The following CS variants were observed in gnomAD, a reference collection of about 807,000 sequenced individuals.
The protein encoded by CS is citrate synthase.
In CS, 13 loss-of-function variants were observed where a neutral mutation model predicts 61.4. The ratio of observed to expected loss-of-function variants is 0.21; its 90% CI spans 0.14 to 0.34. CS has a LOEUF of 0.34. Among genes scored for constraint, CS ranks in the 10% least tolerant of loss-of-function variants. The pLI, the probability that CS is intolerant of heterozygous loss-of-function variation, is 1.00. For missense variants in CS, 278 were observed against 573.4 expected (o/e 0.48, Z 5.26); for synonymous variants, 159 against 215.2 (o/e 0.74, Z 2.29).
intron 1 of CS, among the ~76,000 whole-genome samples, chr12:56,294,347 A>G (rs1189586006): frequency 6.6e-6 from 1 of 151,314 alleles, no homozygotes; most frequent in African/African-American, 2.4e-5. Context: ...GGTGGCGCAC[A>G]CCTGTAATCT....
At chr12:56,274,112 T>C in intron 9 of CS, 1 of 343,700 alleles carries the variant, frequency 2.9e-6, no homozygotes, top group Non-Finnish European at 5.5e-6. Flanking sequence ...TTGGGAGTCC[T>C]AGACTAGCCT....
At position 56,287,479 on chromosome 12, in the gene CS, CAAAAAAAAAAAAAA is replaced by C. The variant is rs61199207; in HGVS notation, c.43-848_43-835del. Among the ~76,000 whole-genome samples, 62 of 44,730 alleles carry C rather than the reference CAAAAAAAAAAAAAA, an allele frequency of 1.4e-3. 2 individuals are homozygous for C. The East Asian group carries it at 0.032, about 23-fold the overall frequency. The allele number at this position is 44,730 out of a possible 152,430, so 29.3% of individuals were successfully genotyped here. A position where few individuals can be genotyped will look rare whatever the true frequency, so the allele number is the denominator to read the frequency against. On this transcript the variant is annotated intron_variant, in intron 1 of 10. Transcript: ENST00000351328. ...CCTGGGCAAATGAGCAAGACTCTGT[CAAAAAAAAAAAAAA>C]AAAAAAAAAAAAAAAAAGAGAGAGA...
intron 1 of CS, chr12:56,299,869 C>T (rs1025205389): frequency 4.1e-5 from 15 of 367,240 alleles, no homozygotes; most frequent in Non-Finnish European, 5.5e-5. Context: ...CAGGGCCACG[C>T]ATCCCTTCCC....
chr12:56,274,934 G>A, intron 8 of CS, 56 bp from the exon 9 acceptor site: 1 of 1,608,228 alleles, frequency 6.2e-7, no homozygotes, highest in South Asian at 1.1e-5. Context: ...AGAAGAGAAT[G>A]CCAAGATCAG....
Position 56,288,448 on chromosome 12 carries a change from G to A in CS, c.43-1803C>T, listed in dbSNP as rs181877282. The stretch of plus-strand genomic sequence containing the variant: ...GCTCCCGTGTTCAAGTGATTCTCAT[G>A]CCTCAGCCTCCTGAGTAGCTGGGAT... On this transcript the variant is annotated intron_variant, in intron 1 of 10. Coordinates refer to ENST00000351328, the MANE Select transcript of CS (RefSeq NM_004077.3). 3.4e-5 allele frequency among the ~76,000 whole-genome samples: 5 copies of A among 146,682 alleles called. No individual in the cohort carries two copies. The East Asian group carries it at 8.1e-4, about 24-fold the overall frequency.
chr12:56,282,811 G>A (rs772093150), intron 5 of CS, 49 bp downstream of exon 5: 282 of 1,608,980 alleles, frequency 1.8e-4, no homozygotes, highest in Non-Finnish European at 2.3e-4. Flanking sequence ...TTAGAGAAAG[G>A]CAATGAAGAA....
intron 1 of CS, among the ~76,000 whole-genome samples, chr12:56,295,059 C>T (rs1320760911): frequency 1.3e-5 from 2 of 151,890 alleles, no homozygotes; most frequent in Non-Finnish European, 2.9e-5. Context: ...AGCCACTGTG[C>T]CTGGCCAACA....
Position 56,274,810 on chromosome 12 carries a change from T to G in CS, c.987A>C (p.Arg329=). Residue 329 remains arginine, a synonymous_variant, in exon 9 of 11, where the codon CGA becomes CGC. Transcript: ENST00000351328. The part of the protein sequence containing the change: ...VGKDVSDEKL[R]DYIWNTLNSG... ...AGTTGAGTGTGTTCCAGATGTAGTCTCGTAACTTCTCATCTGACACATCTT... is the reference window on the plus strand; with the variant it reads ...AGTTGAGTGTGTTCCAGATGTAGTCGCGTAACTTCTCATCTGACACATCTT... 2 of 1,610,266 alleles carry G rather than the reference T, an allele frequency of 1.2e-6. No homozygotes were observed. Among genetic ancestry groups the G allele is most frequent in the Non-Finnish European group, 1.7e-6 (2 of 1,178,368 alleles).
At position 56,300,151 on chromosome 12, in the gene CS, G is replaced by A; in HGVS notation, c.42+9C>T. 1.9e-6 allele frequency: 3 copies of A among 1,561,646 alleles called. No homozygotes were observed. The highest frequency in any genetic ancestry group is 1.2e-5 in the South Asian group (1 of 85,028). Reference sequence around the variant, plus strand: ...CTGGGACGGCGTGCTCCCTCCCCTCGCTGCTCACCTTGGTTCCCAAGAGCC... The same window carrying A: ...CTGGGACGGCGTGCTCCCTCCCCTCACTGCTCACCTTGGTTCCCAAGAGCC... On this transcript the variant is annotated intron_variant, in intron 1 of 10. Coordinates refer to ENST00000351328, the MANE Select transcript of CS (RefSeq NM_004077.3).
intron 1 of CS, among the ~76,000 whole-genome samples, chr12:56,295,718 G>A (rs1202808598): frequency 6.6e-6 from 1 of 151,538 alleles, no homozygotes; most frequent in Non-Finnish European, 1.5e-5. Flanking sequence ...ACTGTGGGAG[G>A]TGGAGGCGGG....
At chr12:56,273,276 TATTTC>T in intron 10 of CS, 22 bp from the exon 11 acceptor site, 1 of 1,610,442 alleles carries the variant, frequency 6.2e-7, no homozygotes, top group Non-Finnish European at 8.5e-7. Context: ...AAGAGAAAAA[TATTTC>T]ATTTAAGGCA....
intron 1 of CS, among the ~76,000 whole-genome samples, chr12:56,287,251 C>T (rs1030822138): frequency 2.6e-4 from 40 of 152,052 alleles, no homozygotes; most frequent in African/African-American, 8.4e-4. Flanking sequence ...GAAGCTGAGG[C>T]GGTGGATCAC....
intron 1 of CS, among the ~76,000 whole-genome samples, chr12:56,295,872 T>A (rs1873285149): frequency 7.5e-6 from 1 of 133,948 alleles, no homozygotes; most frequent in African/African-American, 2.8e-5. Flanking sequence ...GAGAATGGCG[T>A]GAACCCCAGA....
intron 1 of CS, among the ~76,000 whole-genome samples, chr12:56,289,934 G>A (rs1321564716): frequency 6.6e-6 from 1 of 151,766 alleles, no homozygotes; most frequent in African/African-American, 2.4e-5. Context: ...TTGCTCTGTT[G>A]CCCAGGCTGA....
At chr12:56,273,963 A>T in intron 9 of CS, 167 bp from the exon 10 acceptor site, 2 of 573,534 alleles carry the variant, frequency 3.5e-6, no homozygotes, top group Non-Finnish European at 6.3e-6. Context: ...CCTCCAGAGT[A>T]GCTGGGACCA....
intron 7 of CS, chr12:56,275,581 A>AC (rs2135909993): frequency 4.9e-6 from 1 of 202,108 alleles, no homozygotes; most frequent in South Asian, 7.5e-5. Flanking sequence ...AAAAAAAAAA[A>AC]AAAAAAAAGC....
At chr12:56,278,254 C>T (rs1365328980) in intron 6 of CS, among the ~76,000 whole-genome samples, 2 of 152,160 alleles carry the variant, frequency 1.3e-5, no homozygotes, top group African/African-American at 4.8e-5. Flanking sequence ...CCTTGGCCTT[C>T]TGAGTAGCTG....
rs1380017782 is a variant in CS at position 56,273,751 on chromosome 12, G to A, written c.1066C>T (p.Arg356Ter). ...GCAAACTCTCGCTGACAGGTATATCGCGGATCAGTCTTCCTTAGTACTGCA... is the reference window on the plus strand; with the variant it reads ...GCAAACTCTCGCTGACAGGTATATCACGGATCAGTCTTCCTTAGTACTGCA... ...GHAVLRKTDP[R>*]YTCQREFALK... Residue 356 changes from arginine (R) to a stop codon, truncating the protein, a stop_gained, in exon 10 of 11, where the codon CGA becomes TGA. Coordinates refer to ENST00000351328, the MANE Select transcript of CS (RefSeq NM_004077.3). LOFTEE classifies it high-confidence loss of function. 3 of 1,614,014 alleles carry A rather than the reference G, an allele frequency of 1.9e-6. No homozygotes were observed. The highest frequency in any genetic ancestry group is 2.5e-6 in the Non-Finnish European group (3 of 1,180,030).
chr12:56,282,698 C>T, intron 5 of CS, 90 bp from the exon 6 acceptor site: 1 of 1,523,018 alleles, frequency 6.6e-7, no homozygotes, highest in Non-Finnish European at 8.9e-7. Context: ...TAAAGAAAAC[C>T]CAAGAGAGGT....
Sources: allele counts gnomAD v4.1 joint callset (sites outside exome capture counted in the v4.1 genomes callset), GRCh38; gene constraint gnomAD v4.1.1; transcripts MANE v1.5; gene names NCBI Gene and HGNC (gene_info 2026-07-23, HGNC 2026-07-21).